The following TPST1 variants were observed in gnomAD, a reference collection of about 807,000 sequenced individuals.
The protein encoded by TPST1 is tyrosylprotein sulfotransferase 1.
A neutral mutation model predicts 34.8 loss-of-function variants in TPST1; 20 were observed. That is an observed-to-expected ratio of 0.57 (90% CI 0.40 to 0.84). TPST1 has a LOEUF of 0.84. Among genes scored for constraint, TPST1 ranks in the 40% least tolerant of loss-of-function variants. The pLI is 0.00. For synonymous variants in TPST1, 152 were observed against 159.4 expected (o/e 0.95, Z 0.35); for missense variants, 353 against 455.5 (o/e 0.78, Z 2.05).
intron 4 of TPST1, among the ~76,000 whole-genome samples, chr7:66,356,520 G>A (rs1792586112): frequency 6.6e-6 from 1 of 152,186 alleles, no homozygotes; most frequent in African/African-American, 2.4e-5. Flanking sequence ...TGATCCCATG[G>A]TTGGTCTTTG....
chr7:66,302,838 A>T (rs1791344605), intron 3 of TPST1, among the ~76,000 whole-genome samples: 1 of 152,192 alleles, frequency 6.6e-6, no homozygotes, highest in African/African-American at 2.4e-5. Context: ...GATCAGCTGC[A>T]TTCAAACCAG....
intron 1 of TPST1, among the ~76,000 whole-genome samples, chr7:66,236,135 TA>T (rs1789908205): frequency 6.6e-6 from 1 of 152,200 alleles, no homozygotes; most frequent in Non-Finnish European, 1.5e-5. Context: ...AGGTTTGCCA[TA>T]AGCAGTTCCC....
intron 3 of TPST1, among the ~76,000 whole-genome samples, chr7:66,325,263 G>A (rs1403611796): frequency 1.3e-5 from 2 of 152,140 alleles, no homozygotes; most frequent in South Asian, 2.1e-4. Flanking sequence ...CCTCTGCCGT[G>A]ATTCAGTGAC....
In TPST1 at chr7:66,232,497, C is replaced by T. The variant is rs553593125; in HGVS notation, c.-101-7828C>T. Among the ~76,000 whole-genome samples, 327 of 152,006 alleles carry T rather than the reference C, an allele frequency of 2.2e-3. 2 individuals carry two copies. Among genetic ancestry groups the T allele is most frequent in the African/African-American group, 7.6e-3 (317 of 41,464 alleles). Reference sequence around the variant, plus strand: ...ACGCCATTCTCCTGCCTCAGCCTCCCGAGTAGCTGGGACTACAGGCGCCCA... The same window carrying T: ...ACGCCATTCTCCTGCCTCAGCCTCCTGAGTAGCTGGGACTACAGGCGCCCA... On this transcript the variant is annotated intron_variant, in intron 1 of 5. Coordinates refer to ENST00000304842, the MANE Select transcript of TPST1 (RefSeq NM_003596.4).
chr7:66,261,370 G>A (rs546478985), intron 2 of TPST1, among the ~76,000 whole-genome samples: 3 of 151,238 alleles, frequency 2.0e-5, no homozygotes, highest in Admixed American at 6.6e-5. Flanking sequence ...AACTCATCAC[G>A]TGTGGGCAGC....
chr7:66,337,503 T>C (rs942217267), intron 3 of TPST1, among the ~76,000 whole-genome samples: 5 of 151,962 alleles, frequency 3.3e-5, no homozygotes, highest in African/African-American at 1.2e-4. Flanking sequence ...GAGACAGTAT[T>C]TCACAATGTT....
At chr7:66,315,219 A>G (rs1156782178) in intron 3 of TPST1, among the ~76,000 whole-genome samples, 1 of 152,388 alleles carries the variant, frequency 6.6e-6, no homozygotes, top group East Asian at 1.9e-4. Context: ...GGAATGGTGA[A>G]GCACCCAGTA....
At chr7:66,358,337 T>TA (rs1792624269) in intron 5 of TPST1, among the ~76,000 whole-genome samples, 2 of 151,766 alleles carry the variant, frequency 1.3e-5, no homozygotes, top group African/African-American at 4.8e-5. Context: ...GTTTTTTTTT[T>TA]TTATATAATG....
At chr7:66,354,812 T>C (rs997765918) in intron 4 of TPST1, among the ~76,000 whole-genome samples, 6 of 151,702 alleles carry the variant, frequency 4.0e-5, no homozygotes, top group African/African-American at 7.3e-5. Context: ...CTGGGAAACA[T>C]AGCCAAACCT....
At chr7:66,209,255 C>T (rs1484995559) in intron 1 of TPST1, among the ~76,000 whole-genome samples, 5 of 152,092 alleles carry the variant, frequency 3.3e-5, no homozygotes, top group African/African-American at 1.2e-4. Flanking sequence ...GAGACTCCAT[C>T]TCAAAATTAA....
intron 1 of TPST1, among the ~76,000 whole-genome samples, chr7:66,213,489 C>G (rs1478043486): frequency 6.6e-6 from 1 of 152,168 alleles, no homozygotes; most frequent in South Asian, 2.1e-4. Flanking sequence ...GGCGCGGTGG[C>G]TCACGCCTGT....
intron 3 of TPST1, among the ~76,000 whole-genome samples, chr7:66,312,412 C>T (rs376136546): frequency 6.0e-4 from 92 of 152,224 alleles, no homozygotes; most frequent in African/African-American, 2.1e-3. Flanking sequence ...TCTTAAAAAA[C>T]ATGGTATTTA....
intron 3 of TPST1, among the ~76,000 whole-genome samples, chr7:66,341,743 C>A (rs62468699): frequency 0.037 from 5,603 of 151,840 alleles, 164 homozygotes; most frequent in East Asian, 0.089. Context: ...ATAAGAGAGA[C>A]CAAAAGAAAG....
At chr7:66,295,704 A>C (rs761326714) in intron 3 of TPST1, among the ~76,000 whole-genome samples, 1 of 152,186 alleles carries the variant, frequency 6.6e-6, no homozygotes, top group Non-Finnish European at 1.5e-5. Context: ...CTGTTGGCAC[A>C]ATCTTGGCTT....
intron 3 of TPST1, among the ~76,000 whole-genome samples, chr7:66,328,090 G>C (rs1451447455): frequency 7.9e-6 from 1 of 126,694 alleles, no homozygotes; most frequent in Non-Finnish European, 1.6e-5. Flanking sequence ...GCATTGGTGC[G>C]ATCTCAGCTC....
intron 2 of TPST1, among the ~76,000 whole-genome samples, chr7:66,248,535 G>T (rs1338595797): frequency 5.6e-5 from 7 of 125,524 alleles, no homozygotes; most frequent in African/African-American, 3.1e-5. Context: ...ACAGAGTCTC[G>T]CACTGTCTTC....
At chr7:66,312,811 T>G (rs13231220) in intron 3 of TPST1, among the ~76,000 whole-genome samples, 1 of 151,994 alleles carries the variant, frequency 6.6e-6, no homozygotes, top group Admixed American at 6.6e-5. Context: ...TGAAGATTGA[T>G]AGATGAGAGA....
At chr7:66,336,492 A>C (rs989704084) in intron 3 of TPST1, among the ~76,000 whole-genome samples, 1 of 152,226 alleles carries the variant, frequency 6.6e-6, no homozygotes, top group African/African-American at 2.4e-5. Context: ...GGAAAGCTTT[A>C]GCAGCAGACT....
chr7:66,228,601 A>G (rs549188498), intron 1 of TPST1, among the ~76,000 whole-genome samples: 1 of 152,286 alleles, frequency 6.6e-6, no homozygotes, highest in African/African-American at 2.4e-5. Flanking sequence ...CCATAAGCTT[A>G]TTGGATCCAT....
Sources: allele counts gnomAD v4.1 joint callset (sites outside exome capture counted in the v4.1 genomes callset), GRCh38; gene constraint gnomAD v4.1.1; transcripts MANE v1.5; gene names NCBI Gene and HGNC (gene_info 2026-07-23, HGNC 2026-07-21).